MTREX: variants seen among roughly 807,000 people sequenced by gnomAD.
MTREX encodes exosome RNA helicase MTR4.
In MTREX, 76 loss-of-function variants were observed where a neutral mutation model predicts 135.4. The observed-to-expected ratio is 0.56, with a 90% CI of 0.47 to 0.68. The LOEUF (loss-of-function observed/expected upper bound fraction) is 0.68. Ranked by LOEUF, MTREX falls within the 30% of genes least tolerant of loss-of-function variation. The pLI, the probability that MTREX is intolerant of heterozygous loss-of-function variation, is 0.00. For missense variants in MTREX, 920 were observed against 1,262.1 expected (o/e 0.73, Z 4.11); for synonymous variants, 404 against 401.6 (o/e 1.01, Z -0.07).
At chr5:55,357,183 A>C in intron 14 of MTREX, 2 of 153,428 alleles carry the variant, frequency 1.3e-5, no homozygotes, top group South Asian at 4.0e-4. Flanking sequence ...ACTTGATCTC[A>C]ATTATCTTGG....
intron 25 of MTREX, among the ~76,000 whole-genome samples, chr5:55,418,936 C>T (rs778267559): frequency 2.6e-5 from 4 of 152,126 alleles, no homozygotes; most frequent in Non-Finnish European, 5.9e-5. Flanking sequence ...CTCCATCTCC[C>T]GGGCTTAAGT....
rs754385103 is a variant in MTREX at position 55,328,806 on chromosome 5, C to T, written c.510C>T (p.Cys170=). ...SAHTSAGKTV[C]AEYAIALALR... Reference sequence around the variant, plus strand: ...ATACCTCAGCGGGAAAAACAGTATGCGCCGAGTGAGTAGCTTCCTTTTTAA... The same window carrying T: ...ATACCTCAGCGGGAAAAACAGTATGTGCCGAGTGAGTAGCTTCCTTTTTAA... Residue 170 remains cysteine, a synonymous_variant, in exon 5 of 27, where the codon TGC becomes TGT. Coordinates refer to ENST00000230640, the MANE Select transcript of MTREX (RefSeq NM_015360.5). 11 of 1,582,600 alleles carry T rather than the reference C, an allele frequency of 7.0e-6. No individual in the cohort carries two copies. In the East Asian group the frequency reaches 1.1e-4, roughly 16 times the overall value.
intron 12 of MTREX, among the ~76,000 whole-genome samples, chr5:55,350,625 C>T (rs1444429821): frequency 6.6e-6 from 1 of 152,112 alleles, no homozygotes; most frequent in Admixed American, 6.5e-5. Context: ...AAAAACTCTG[C>T]CCCTATAATG....
At chr5:55,317,073 A>G (rs1417956383) in intron 1 of MTREX, among the ~76,000 whole-genome samples, 1 of 152,200 alleles carries the variant, frequency 6.6e-6, no homozygotes, top group East Asian at 1.9e-4. Flanking sequence ...CTAGAAATAC[A>G]GCTAACCAGG....
At chr5:55,376,324 C>T (rs908772945) in intron 16 of MTREX, among the ~76,000 whole-genome samples, 11 of 152,284 alleles carry the variant, frequency 7.2e-5, no homozygotes, top group South Asian at 6.2e-4. Flanking sequence ...CATTTGCATG[C>T]GACGTTCAAG....
chr5:55,361,812 C>T (rs1431461054), intron 15 of MTREX, among the ~76,000 whole-genome samples: 3 of 151,066 alleles, frequency 2.0e-5, no homozygotes, highest in Non-Finnish European at 4.4e-5. Context: ...AGGCTGATCT[C>T]GATCTTCTGG....
At chr5:55,424,455 C>G (rs1337223870) in intron 26 of MTREX, 1 of 279,290 alleles carries the variant, frequency 3.6e-6, no homozygotes, top group Non-Finnish European at 6.8e-6. Context: ...TAGCATTTAT[C>G]TTTTTAAACA....
intron 18 of MTREX, among the ~76,000 whole-genome samples, chr5:55,379,414 A>G (rs897846905): frequency 3.3e-5 from 5 of 152,192 alleles, no homozygotes; most frequent in African/African-American, 1.2e-4. Context: ...TGAACTCCTA[A>G]CCTCAGGTGA....
At chr5:55,401,270 T>G (rs230791) in intron 21 of MTREX, among the ~76,000 whole-genome samples, 130,423 of 151,784 alleles carry the variant, frequency 0.86, 56,426 homozygotes, top group South Asian at 0.92. Context: ...CCTGACCTCA[T>G]ATTATCCACT....
At chr5:55,316,443 G>C (rs1345648911) in intron 1 of MTREX, among the ~76,000 whole-genome samples, 1 of 152,124 alleles carries the variant, frequency 6.6e-6, no homozygotes, top group Non-Finnish European at 1.5e-5. Context: ...CCATGACCAA[G>C]TAGGCTTCAT....
At position 55,402,887 on chromosome 5, in the gene MTREX, C is replaced by CT. The variant is rs1347718383; in HGVS notation, c.2481+2476dup. Among the ~76,000 whole-genome samples the CT allele has an allele frequency of 1.9e-3, 216 of 115,546 alleles. 2 individuals are homozygous for CT. The Middle Eastern group carries it at 0.02, about 11-fold the overall frequency. 75.8% of individuals were successfully genotyped at this position (115,546 alleles called of 152,430 possible). On this transcript the variant is annotated intron_variant, in intron 21 of 26. Coordinates refer to ENST00000230640, the MANE Select transcript of MTREX (RefSeq NM_015360.5). Reference sequence around the variant, plus strand: ...GTGTGTGTGTGTATATATATAATTTCTTTTTTTTTTAATGGAAGAAAAATA... The same window carrying CT: ...GTGTGTGTGTGTATATATATAATTTCTTTTTTTTTTTAATGGAAGAAAAATA...
intron 5 of MTREX, among the ~76,000 whole-genome samples, chr5:55,333,283 A>G (rs946780782): frequency 2.6e-5 from 4 of 152,122 alleles, no homozygotes; most frequent in African/African-American, 9.7e-5. Context: ...ATGGTTCTCT[A>G]TCACCCTAGT....
intron 5 of MTREX, among the ~76,000 whole-genome samples, chr5:55,330,520 G>A (rs905545612): frequency 2.0e-5 from 3 of 150,288 alleles, no homozygotes; most frequent in African/African-American, 7.3e-5. Flanking sequence ...GAACAGATAG[G>A]GTACAGTTAC....
intron 15 of MTREX, among the ~76,000 whole-genome samples, chr5:55,364,912 A>G (rs1750075945): frequency 6.6e-6 from 1 of 152,214 alleles, no homozygotes; most frequent in African/African-American, 2.4e-5. Flanking sequence ...GAGAAATTTC[A>G]TTTTAGATAG....
chr5:55,356,581 CA>C (rs1749918011), intron 14 of MTREX: 1 of 192,016 alleles, frequency 5.2e-6, no homozygotes. Flanking sequence ...AGCAGGCAGT[CA>C]GTGAAATCCT....
chr5:55,425,084 C>T lies in MTREX; in HGVS notation c.*312C>T. ...ACACACAAAGTGTGCATCCAAGAGG[C>T]ATAGCAGCAGCAGAAGTCTTTAAAG... On this transcript the variant is annotated 3_prime_UTR_variant, in exon 27 of 27. Transcript: ENST00000230640. 1.6e-6 allele frequency: 2 copies of T among 1,280,520 alleles called. No individual in the cohort carries two copies. Among genetic ancestry groups the T allele is most frequent in the Non-Finnish European group, 1.1e-6 (1 of 928,406 alleles). 79.3% of individuals were successfully genotyped at this position (1,280,520 alleles called of 1,614,324 possible).
At chr5:55,362,501 C>G (rs1008430385) in intron 15 of MTREX, among the ~76,000 whole-genome samples, 1 of 152,112 alleles carries the variant, frequency 6.6e-6, no homozygotes, top group Non-Finnish European at 1.5e-5. Context: ...GCTGAGATTA[C>G]AGGCATGTGC....
At chr5:55,341,961 G>A (rs1003415226) in intron 7 of MTREX, among the ~76,000 whole-genome samples, 190 bp downstream of exon 7, 5 of 152,110 alleles carry the variant, frequency 3.3e-5, no homozygotes, top group African/African-American at 9.7e-5. Context: ...AGGTTGAAGT[G>A]CATGATCCTA....
At chr5:55,371,478 G>C (rs888337786) in intron 16 of MTREX, among the ~76,000 whole-genome samples, 1 of 152,096 alleles carries the variant, frequency 6.6e-6, no homozygotes, top group African/African-American at 2.4e-5. Flanking sequence ...TGTCTTAAGA[G>C]TTTGTGGGCA....
Sources: allele counts gnomAD v4.1 joint callset (sites outside exome capture counted in the v4.1 genomes callset), GRCh38; gene constraint gnomAD v4.1.1; transcripts MANE v1.5; gene names NCBI Gene and HGNC (gene_info 2026-07-23, HGNC 2026-07-21).